CNGA3: variants seen among roughly 807,000 people sequenced by gnomAD.
CNGA3 encodes the protein cyclic nucleotide gated channel subunit alpha 3, also known as cyclic nucleotide-gated channel alpha-3.
Under a neutral mutation model 46.6 loss-of-function variants are expected in CNGA3, and 42 were observed. The observed-to-expected ratio is 0.90, with a 90% CI of 0.70 to 1.17. The LOEUF (loss-of-function observed/expected upper bound fraction) is 1.17, where lower values mean the gene tolerates loss of function less well. Among genes scored for constraint, CNGA3 ranks in the 50% most tolerant of loss-of-function variants. The pLI is 0.00. For missense variants in CNGA3, 893 were observed against 890.7 expected (o/e 1.00, Z -0.03); for synonymous variants, 394 against 369.4 (o/e 1.07, Z -0.76).
chr2:98,367,180 T>A (rs1241913461), intron 1 of CNGA3, among the ~76,000 whole-genome samples: 3 of 127,534 alleles, frequency 2.4e-5, no homozygotes, highest in Admixed American at 8.0e-5. Context: ...TTTTTTCTTT[T>A]TTTTCTTTTT....
chr2:98,360,995 ATTTTT>A (rs1309984005), intron 1 of CNGA3, among the ~76,000 whole-genome samples: 1 of 149,668 alleles, frequency 6.7e-6, no homozygotes, highest in African/African-American at 2.4e-5. Flanking sequence ...TGTTATTTTT[ATTTTT>A]ATTTTATTTT....
In CNGA3 at chr2:98,396,694, T is replaced by C; in HGVS notation, c.1524T>C (p.Tyr508=). The C allele has an allele frequency of 3.7e-6, 6 of 1,614,164 alleles. No homozygotes were observed. Among genetic ancestry groups the C allele is most frequent in the Non-Finnish European group, 5.1e-6 (6 of 1,180,036 alleles). ...CCACTGTGTTCAGCCCTGGGGATTA[T>C]ATCTGCAAGAAGGGAGATATTGGGA... ...LRPTVFSPGD[Y]ICKKGDIGKE... is the part of the protein sequence containing the mutation. The change falls in exon 8 of 8, where the codon TAT becomes TAC. Residue 508 remains tyrosine, a synonymous_variant. Coordinates refer to ENST00000272602, the MANE Select transcript of CNGA3 (RefSeq NM_001298.3).
intron 1 of CNGA3, among the ~76,000 whole-genome samples, chr2:98,359,294 T>C (rs982539263): frequency 1.3e-5 from 2 of 152,136 alleles, no homozygotes; most frequent in Non-Finnish European, 2.9e-5. Flanking sequence ...GGTGATGTGG[T>C]CTCAGCAAGT....
At chr2:98,362,642 GCA>G (rs140566482) in intron 1 of CNGA3, among the ~76,000 whole-genome samples, 29,104 of 152,046 alleles carry the variant, frequency 0.19, 3,164 homozygotes, top group Non-Finnish European at 0.26. Context: ...CTGTGCAGAA[GCA>G]CACCTGAAAT....
chr2:98,350,727 T>C (rs1691752805), intron 1 of CNGA3: 1 of 152,192 alleles, frequency 6.6e-6, no homozygotes, highest in South Asian at 2.1e-4. Flanking sequence ...TTCAGTGCAT[T>C]TTCTTTTACT....
intron 1 of CNGA3, among the ~76,000 whole-genome samples, chr2:98,360,583 C>T (rs1421161583): frequency 6.6e-6 from 1 of 152,202 alleles, no homozygotes; most frequent in Non-Finnish European, 1.5e-5. Flanking sequence ...TTGCCTGGCA[C>T]ATAGTAAGTG....
intron 1 of CNGA3, among the ~76,000 whole-genome samples, chr2:98,358,569 A>G (rs1224215540): frequency 1.3e-5 from 2 of 152,266 alleles, no homozygotes; most frequent in African/African-American, 4.8e-5. Flanking sequence ...GCAAAAATTC[A>G]TACTGTAGTA....
intron 2 of CNGA3, 42 bp downstream of exon 2, chr2:98,370,118 C>G: frequency 1.4e-6 from 2 of 1,470,252 alleles, no homozygotes; most frequent in Non-Finnish European, 1.9e-6. Flanking sequence ...ATGCCTGGCT[C>G]TGGTCATTTC....
intron 1 of CNGA3, among the ~76,000 whole-genome samples, chr2:98,346,810 C>T (rs889401616): frequency 4.6e-5 from 7 of 152,178 alleles, no homozygotes; most frequent in African/African-American, 7.2e-5. Flanking sequence ...GAAGCCCTCC[C>T]CGTGCTCCCC....
At chr2:98,381,197 T>C (rs1482139029) in intron 4 of CNGA3, among the ~76,000 whole-genome samples, 1 of 152,052 alleles carries the variant, frequency 6.6e-6, no homozygotes, top group African/African-American at 2.4e-5. Flanking sequence ...GACACTTAGG[T>C]CTGTCTGGAA....
At chr2:98,378,298 T>C in intron 3 of CNGA3, 3 of 1,362,566 alleles carry the variant, frequency 2.2e-6, no homozygotes, top group East Asian at 2.5e-5. Flanking sequence ...ATGACATCCG[T>C]ACTCCAGCTT....
At chr2:98,378,775 G>A (rs1056367376) in intron 3 of CNGA3, among the ~76,000 whole-genome samples, 5 of 152,228 alleles carry the variant, frequency 3.3e-5, no homozygotes, top group African/African-American at 1.2e-4. Flanking sequence ...TGCAACACAA[G>A]CTATCTCAGG....
At chr2:98,393,694 C>T (rs1038828288) in intron 7 of CNGA3, among the ~76,000 whole-genome samples, 8 of 152,064 alleles carry the variant, frequency 5.3e-5, no homozygotes, top group African/African-American at 7.3e-5. Flanking sequence ...TGAGACACCC[C>T]GACTCAGTCA....
Position 98,396,594 on chromosome 2 carries a change from A to G in CNGA3, c.1424A>G (p.Asp475Gly), listed in dbSNP as rs776186575. The change falls in exon 8 of 8, where the codon GAC (aspartate) becomes GGC (glycine). Residue 475 changes from aspartate to glycine, a missense_variant. Asp to Gly is a moderately conservative substitution (Grantham distance 94). Transcript: ENST00000272602. ...KAEIAINVHL[D>G]TLKKVRIFQD... The stretch of plus-strand genomic sequence containing the variant: ...GAGATCGCCATCAACGTGCACCTGG[A>G]CACGCTGAAGAAGGTTCGCATCTTC... The G allele has an allele frequency of 6.2e-7, 1 of 1,614,022 alleles. No individual in the cohort carries two copies. Among genetic ancestry groups the G allele is most frequent in the East Asian group, 2.2e-5 (1 of 44,866 alleles).
chr2:98,371,888 G>T (rs376242386), intron 2 of CNGA3, among the ~76,000 whole-genome samples: 1 of 152,194 alleles, frequency 6.6e-6, no homozygotes, highest in African/African-American at 2.4e-5. Flanking sequence ...ATAACATCAC[G>T]ATCCTGGGAT....
chr2:98,368,091 A>C (rs1189866934), intron 1 of CNGA3, among the ~76,000 whole-genome samples: 1 of 152,276 alleles, frequency 6.6e-6, no homozygotes, highest in Admixed American at 6.5e-5. Flanking sequence ...AAAGTGTTTA[A>C]AAATCAAAAC....
chr2:98,369,972 G>A lies in CNGA3; in HGVS notation c.-4G>A, dbSNP rs1558808340. 6.2e-7 allele frequency: 1 copy of A among 1,612,960 alleles called. No individual in the cohort carries two copies. The highest frequency in any genetic ancestry group is 1.1e-5 in the South Asian group (1 of 90,942). On this transcript the variant is annotated 5_prime_UTR_variant, in exon 2 of 8. Transcript: ENST00000272602. ...TGGGGGGCTAAATGTGACAAACCGA[G>A]AAGATGGCCAAGATCAACACCCAAT... is the stretch of plus-strand genomic sequence containing the variant.
At chr2:98,357,074 G>A (rs529969790) in intron 1 of CNGA3, among the ~76,000 whole-genome samples, 87 of 152,290 alleles carry the variant, frequency 5.7e-4, no homozygotes, top group African/African-American at 1.7e-3. Flanking sequence ...TTTATCACAC[G>A]CTCTACTACC....
Position 98,397,455 on chromosome 2 carries a change from T to C in CNGA3, c.*200T>C, listed in dbSNP as rs561152458. ...TCTCAGTCCCAGTGAAGTGCCAGGT[T>C]TGATTGTGAAGTCCGCATGAAACAC... is the stretch of plus-strand genomic sequence containing the variant. On this transcript the variant is annotated 3_prime_UTR_variant, in exon 8 of 8. Transcript: ENST00000272602. 3.1e-6 allele frequency: 2 copies of C among 636,170 alleles called. No homozygotes were observed. The highest frequency in any genetic ancestry group is 3.6e-5 in the African/African-American group (2 of 55,052). The allele number at this position is 636,170 out of a possible 1,614,324, so 39.4% of individuals were successfully genotyped here. A position where few individuals can be genotyped will look rare whatever the true frequency, so the allele number is the denominator to read the frequency against.
Sources: gnomAD v4.1 joint callset for allele counts (sites outside exome capture counted in the v4.1 genomes callset) on GRCh38, gnomAD v4.1.1 for gene constraint, MANE v1.5 for transcripts, NCBI Gene and HGNC (gene_info 2026-07-23, HGNC 2026-07-21) for gene names.